Variants in GALK1 observed in about 807,000 individuals in gnomAD.
GALK1 encodes the protein galactokinase.
Under a neutral mutation model 38.6 loss-of-function variants are expected in GALK1, and 30 were observed. That is an observed-to-expected ratio of 0.78 (90% CI 0.58 to 1.05). The LOEUF is 1.05. Ranked by LOEUF, GALK1 falls within the 50% of genes least tolerant of loss-of-function variation. The pLI is 0.00. For missense variants in GALK1, 512 were observed against 540.5 expected (o/e 0.95, Z 0.52); for synonymous variants, 240 against 233.6 (o/e 1.03, Z -0.25).
intron 5 of GALK1, among the ~76,000 whole-genome samples, chr17:75,758,997 C>A (rs1169568191): frequency 6.6e-6 from 1 of 152,170 alleles, no homozygotes; most frequent in African/African-American, 2.4e-5. Flanking sequence ...CTGACTGGAG[C>A]TGAGGCTGGA....
downstream of GALK1, chr17:75,754,840 C>G (rs779475585): frequency 5.0e-6 from 8 of 1,613,874 alleles, no homozygotes; most frequent in Non-Finnish European, 6.8e-6. Context: ...CCAACCCTGC[C>G]TCTCCCACTA....
chr17:75,756,632 C>T (rs1253222907), downstream of GALK1: 12 of 1,612,900 alleles, frequency 7.4e-6, no homozygotes, highest in Non-Finnish European at 1.0e-5. Flanking sequence ...GTTGCCTCCC[C>T]CAGCCCCAGA....
chr17:75,762,031 A>G (rs1374695612), intron 5 of GALK1, among the ~76,000 whole-genome samples: 1 of 152,166 alleles, frequency 6.6e-6, no homozygotes, highest in African/African-American at 2.4e-5. Flanking sequence ...CAAAAAAAAA[A>G]CACGGCAAAT....
Position 75,758,543 on chromosome 17 carries a change from C to T in GALK1, c.850G>A (p.Glu284Lys). ...GCTGCCTGGGCCGTGCGCCGAATCTCCCCCACCACGTGCCGGGCCCGCCGG... is the reference window on the plus strand; with the variant it reads ...GCTGCCTGGGCCGTGCGCCGAATCTTCCCCACCACGTGCCGGGCCCGCCGG... The part of the protein sequence containing the change: ...GFRRARHVVG[E>K]IRRTAQAAAA... Residue 284 changes from glutamate (E) to lysine (K), a missense_variant, in exon 6 of 8, where the codon GAG (glutamate) becomes AAG (lysine). By Grantham distance (56) the Glu-to-Lys change is moderately conservative. Coordinates refer to ENST00000588479, the MANE Select transcript of GALK1 (RefSeq NM_000154.2). 1 of 1,595,670 alleles carries T rather than the reference C, an allele frequency of 6.3e-7. No individual in the cohort carries two copies.
rs2061594551 is a variant in GALK1, at chr17:75,763,052, A to G, written c.573T>C (p.Leu191=). Reference sequence around the variant, plus strand: ...GCAGCGCGTGGCCTTTCTGTCCCATAAGTGAGATGAACTGGTCCATGATGC... The same window carrying G: ...GCAGCGCGTGGCCTTTCTGTCCCATGAGTGAGATGAACTGGTCCATGATGC... ...PCGIMDQFIS[L]MGQKGHALLI... is the part of the protein sequence containing the mutation. Residue 191 remains leucine, a synonymous_variant, in exon 4 of 8, where the codon CTT becomes CTC. Transcript: ENST00000588479. 6.2e-7 allele frequency: 1 copy of G among 1,613,026 alleles called. No homozygotes were observed. Among genetic ancestry groups the G allele is most frequent in the South Asian group, 1.1e-5 (1 of 91,084 alleles).
At chr17:75,755,018 T>G, downstream of GALK1, 1 of 1,582,624 alleles carries the variant, frequency 6.3e-7, no homozygotes, top group Admixed American at 1.8e-5. Context: ...GCATGCACAC[T>G]CCCTGCTCCT....
In GALK1 at chr17:75,764,066, C is replaced by A; in HGVS notation, c.186G>T (p.Val62=). The change falls in exon 2 of 8, where the codon GTG becomes GTT. Residue 62 remains valine (V), a synonymous_variant. Transcript: ENST00000588479. ...VLPMALELMT[V]LVGSPRKDGL... ...CATCCTTGCGGGGGCTGCCCACCAGCACCGTCATGAGCTCCAGAGCCTGGC... is the reference window on the plus strand; with the variant it reads ...CATCCTTGCGGGGGCTGCCCACCAGAACCGTCATGAGCTCCAGAGCCTGGC... The A allele has an allele frequency of 6.3e-7, 1 of 1,587,836 alleles. No individual in the cohort carries two copies. The highest frequency in any genetic ancestry group is 8.5e-7 in the Non-Finnish European group (1 of 1,169,758).
At position 75,762,837 on chromosome 17, in the gene GALK1, C is replaced by T. The variant is rs2143601804; in HGVS notation, c.660G>A (p.Val220=). ...LVPLSDPKLA[V]LITNSNVRHS... is the part of the protein sequence containing the mutation. ...GGCGGACATTAGAGTTGGTGATGAGCACGGCCAGCTTGGGGTCCGAGAGTG... is the reference window on the plus strand; with the variant it reads ...GGCGGACATTAGAGTTGGTGATGAGTACGGCCAGCTTGGGGTCCGAGAGTG... The change falls in exon 5 of 8, where the codon GTG becomes GTA. Residue 220 remains valine, a synonymous_variant. Transcript: ENST00000588479. The T allele has an allele frequency of 6.2e-7, 1 of 1,613,684 alleles. No homozygotes were observed. Among genetic ancestry groups the T allele is most frequent in the South Asian group, 1.1e-5 (1 of 91,088 alleles).
In GALK1 at chr17:75,765,133, C is replaced by A. The variant is rs1271354865; in HGVS notation, c.4G>T (p.Ala2Ser). The change falls in exon 1 of 8, where the codon GCT becomes TCT. Residue 2 changes from alanine (A) to serine (S), a missense_variant. Ala to Ser is a moderately conservative substitution (Grantham distance 99). Coordinates refer to ENST00000588479, the MANE Select transcript of GALK1 (RefSeq NM_000154.2). ...GCGACCTGGGGCTGTCTCAAAGCAGCCATGACGCGCGCCTGCAGCTCTGCA... is the reference window on the plus strand; with the variant it reads ...GCGACCTGGGGCTGTCTCAAAGCAGACATGACGCGCGCCTGCAGCTCTGCA... The part of the protein sequence containing the change: M[A>S]ALRQPQVAEL... 1.9e-6 allele frequency: 3 copies of A among 1,563,796 alleles called. No homozygotes were observed. The highest frequency in any genetic ancestry group is 2.6e-6 in the Non-Finnish European group (3 of 1,156,860).
Position 75,763,045 on chromosome 17 carries a change from G to C in GALK1, c.580C>G (p.Gln194Glu). Residue 194 changes from glutamine (Q) to glutamate (E), a missense_variant, in exon 4 of 8, where the codon CAG (glutamine) becomes GAG (glutamate). By Grantham distance (29) the Gln-to-Glu change is conservative. Transcript: ENST00000588479. ...TCAATGAGCAGCGCGTGGCCTTTCT[G>C]TCCCATAAGTGAGATGAACTGGTCC... Reference protein sequence around the residue: ...IMDQFISLMGQKGHALLIDCR... With the variant: ...IMDQFISLMGEKGHALLIDCR... 3 of 1,613,060 alleles carry C rather than the reference G, an allele frequency of 1.9e-6. No homozygotes were observed. In the South Asian group the frequency reaches 3.3e-5, roughly 18 times the overall value.
downstream of GALK1, chr17:75,757,525 C>G: frequency 6.2e-7 from 1 of 1,613,454 alleles, no homozygotes; most frequent in Non-Finnish European, 8.5e-7. Context: ...CCCTTAGCAC[C>G]CACATGGACC....
chr17:75,756,974 C>G, downstream of GALK1: 1 of 1,612,780 alleles, frequency 6.2e-7, no homozygotes, highest in Non-Finnish European at 8.5e-7. Context: ...TGGATGGAGA[C>G]AGCCCCGAGA....
chr17:75,754,354 T>G, downstream of GALK1: 7 of 608,074 alleles, frequency 1.2e-5, no homozygotes, highest in East Asian at 5.6e-5. Context: ...CTCACACCGA[T>G]AGAGTGGCCG....
At chr17:75,754,921 TAC>T (rs370162059), downstream of GALK1, 1 of 1,563,404 alleles carries the variant, frequency 6.4e-7, no homozygotes, top group Non-Finnish European at 8.8e-7. Flanking sequence ...TTCTCCAACA[TAC>T]ACACACGCAT....
downstream of GALK1, chr17:75,757,746 TA>T (rs1302785154): frequency 1.3e-6 from 1 of 762,406 alleles, no homozygotes; most frequent in East Asian, 2.7e-5. Flanking sequence ...AACCTATTTG[TA>T]ACCAAAGAGC....
At chr17:75,763,192 C>G in intron 3 of GALK1, 43 bp from the exon 4 acceptor site, 1 of 1,609,946 alleles carries the variant, frequency 6.2e-7, no homozygotes, top group Non-Finnish European at 8.5e-7. Context: ...CTGGTGGAAG[C>G]AGCAGTGGCT....
At position 75,762,752 on chromosome 17, in the gene GALK1, C is replaced by T. The variant is rs746480367; in HGVS notation, c.745G>A (p.Ala249Thr). 4 of 1,613,818 alleles carry T rather than the reference C, an allele frequency of 2.5e-6. No individual in the cohort carries two copies. The African/African-American group carries it at 5.3e-5, about 22-fold the overall frequency. Reference sequence around the variant, plus strand: ...TCCCGGAGGCTTTCCTTGCCCAGCGCCCGGGCCACTTCTTCACATTGGCGC... The same window carrying T: ...TCCCGGAGGCTTTCCTTGCCCAGCGTCCGGGCCACTTCTTCACATTGGCGC... ...RRRQCEEVAR[A>T]LGKESLREVQ... Residue 249 changes from alanine (A) to threonine (T), a missense_variant, in exon 5 of 8, where the codon GCG becomes ACG. Transcript: ENST00000588479.
downstream of GALK1, among the ~76,000 whole-genome samples, chr17:75,754,290 G>A (rs1172511242): frequency 1.3e-5 from 2 of 152,148 alleles, no homozygotes; most frequent in Non-Finnish European, 2.9e-5. Flanking sequence ...ATCTCCCCAG[G>A]GCAGAGCTGA....
intron 8 of GALK1, chr17:75,752,716 T>A: frequency 9.5e-7 from 1 of 1,052,656 alleles, no homozygotes; most frequent in Non-Finnish European, 1.4e-6. Flanking sequence ...TGCAATGGAG[T>A]GCACATCTGT....
Sources: gnomAD v4.1 joint callset for allele counts (sites outside exome capture counted in the v4.1 genomes callset) on GRCh38, gnomAD v4.1.1 for gene constraint, MANE v1.5 for transcripts, NCBI Gene and HGNC (gene_info 2026-07-23, HGNC 2026-07-21) for gene names.